SHROOM4: variants seen among roughly 807,000 people sequenced by gnomAD.
The protein encoded by SHROOM4 is protein Shroom4.
A neutral mutation model predicts 80.3 loss-of-function variants in SHROOM4; 17 were observed. The observed-to-expected ratio is 0.21, with a 90% CI of 0.14 to 0.32. SHROOM4 has a LOEUF of 0.32. SHROOM4 is among the 10% of genes least tolerant of loss of function. SHROOM4 has a pLI of 1.00. For missense variants in SHROOM4, 993 were observed against 1,140.3 expected (o/e 0.87, Z 1.86); for synonymous variants, 400 against 437.5 (o/e 0.91, Z 1.07).
chrX:50,601,124 T>G (rs1409807581), intron 7 of SHROOM4, among the ~76,000 whole-genome samples: 1 of 112,267 alleles, frequency 8.9e-6, no homozygotes, highest in Non-Finnish European at 1.9e-5. Flanking sequence ...CAGCCAGAGC[T>G]GAGTTGCTTT....
chrX:50,634,518 C>T lies in SHROOM4; in HGVS notation c.1555G>A (p.Ala519Thr). The change falls in exon 4 of 9, where the codon GCC (alanine) becomes ACC (threonine). Residue 519 changes from alanine (A) to threonine (T), a missense_variant. Physicochemically the swap from Ala to Thr is moderately conservative, Grantham distance 58. Coordinates refer to ENST00000376020, the MANE Select transcript of SHROOM4 (RefSeq NM_020717.5). The stretch of plus-strand genomic sequence containing the variant: ...GGTTGCTGGTTGGCCAATTCACTGG[C>T]TGCTCTGCTTGTTCTGTTTGGGTCC... Reference protein sequence around the residue: ...FLDPNRTSRAASELANQQPSA... With the variant: ...FLDPNRTSRATSELANQQPSA... 1 of 1,211,807 alleles carries T rather than the reference C, an allele frequency of 8.3e-7. No individual in the cohort carries two copies. Among genetic ancestry groups the T allele is most frequent in the Non-Finnish European group, 1.1e-6 (1 of 895,571 alleles).
intron 1 of SHROOM4, among the ~76,000 whole-genome samples, chrX:50,715,617 A>T (rs1933929930): frequency 9.0e-6 from 1 of 111,571 alleles, no homozygotes; most frequent in Non-Finnish European, 1.9e-5. Context: ...CATCAGGGAA[A>T]TACAAATCAA....
chrX:50,695,434 A>G (rs1028903725), intron 2 of SHROOM4, among the ~76,000 whole-genome samples: 3 of 111,866 alleles, frequency 2.7e-5, no homozygotes, highest in Non-Finnish European at 5.6e-5. Flanking sequence ...GTCTCCATTG[A>G]TATGTGGTTC....
rs1930365981 is a variant in SHROOM4 at position 50,618,307 on chromosome X, CCTTCCT to C, written c.2957+9301_2957+9306del. ...TCCTTCCTTCCTTCCTTCCTTCCTT[CCTTCCT>C]TCCTTCCTTCCTTCCTTCCTTCCTT... On this transcript the variant is annotated intron_variant, in intron 5 of 8. Coordinates refer to ENST00000376020, the MANE Select transcript of SHROOM4 (RefSeq NM_020717.5). 5.6e-3 allele frequency among the ~76,000 whole-genome samples: 2 copies of C among 358 alleles called. 1 individual carries two copies. The highest frequency in any genetic ancestry group is 0.023 in the African/African-American group (2 of 87). 0.3% of individuals were successfully genotyped at this position (358 alleles called of 115,157 possible). A position where few individuals can be genotyped will look rare whatever the true frequency, so the allele number is the denominator to read the frequency against.
chrX:50,655,798 G>C (rs1333045692), intron 2 of SHROOM4, among the ~76,000 whole-genome samples: 2 of 109,748 alleles, frequency 1.8e-5, no homozygotes, highest in East Asian at 5.7e-4. Flanking sequence ...AGGACTGCTG[G>C]CTTATATTAT....
chrX:50,607,247 C>T, intron 6 of SHROOM4, 134 bp downstream of exon 6: 1 of 590,312 alleles, frequency 1.7e-6, no homozygotes, highest in Non-Finnish European at 2.8e-6. Flanking sequence ...ACCCATTTTC[C>T]AGGTAAGAAA....
At chrX:50,621,844 C>T (rs1191319589) in intron 5 of SHROOM4, among the ~76,000 whole-genome samples, 3 of 111,059 alleles carry the variant, frequency 2.7e-5, no homozygotes, top group African/African-American at 9.8e-5. Flanking sequence ...AACTCTGTAC[C>T]GGGTATTTCA....
At chrX:50,602,930 A>G (rs1295204222) in intron 6 of SHROOM4, 117 bp from the exon 7 acceptor site, 3 of 699,315 alleles carry the variant, frequency 4.3e-6, no homozygotes, top group Non-Finnish European at 6.6e-6. Flanking sequence ...GTTGAAAAAA[A>G]TGGAGAAGGC....
intron 5 of SHROOM4, among the ~76,000 whole-genome samples, chrX:50,611,210 G>A (rs782596229): frequency 1.0e-5 from 1 of 95,610 alleles, no homozygotes; most frequent in African/African-American, 4.1e-5. Context: ...CTGCAGTGGC[G>A]CTTTCTTAGC....
At position 50,611,212 on chromosome X, in the gene SHROOM4, T is replaced by G. The variant is rs1284065312; in HGVS notation, c.2958-3028A>C. On this transcript the variant is annotated intron_variant, in intron 5 of 8. Transcript: ENST00000376020. Reference sequence around the variant, plus strand: ...CGCCCAGGCCGGACTGCAGTGGCGCTTTCTTAGCTCACTGCAAGCTCCGCC... The same window carrying G: ...CGCCCAGGCCGGACTGCAGTGGCGCGTTCTTAGCTCACTGCAAGCTCCGCC... Among the ~76,000 whole-genome samples, 4 of 97,522 alleles carry G rather than the reference T, an allele frequency of 4.1e-5. No individual in the cohort carries two copies. In the East Asian group the frequency reaches 1.3e-3, roughly 33 times the overall value. The allele number at this position is 97,522 out of a possible 115,157, so 84.7% of individuals were successfully genotyped here. A position where few individuals can be genotyped will look rare whatever the true frequency, so the allele number is the denominator to read the frequency against.
chrX:50,708,913 A>T (rs782044325), intron 1 of SHROOM4, among the ~76,000 whole-genome samples: 1 of 112,001 alleles, frequency 8.9e-6, no homozygotes, highest in African/African-American at 3.2e-5. Flanking sequence ...AGAAGGACTG[A>T]TATAAGCAAG....
chrX:50,774,170 C>A (rs1353639289), intron 1 of SHROOM4, among the ~76,000 whole-genome samples: 1 of 111,232 alleles, frequency 9.0e-6, no homozygotes, highest in Non-Finnish European at 1.9e-5. Flanking sequence ...GACTTTAGGG[C>A]TACATTTTTG....
chrX:50,622,156 A>C (rs782325211), intron 5 of SHROOM4, among the ~76,000 whole-genome samples: 9 of 112,239 alleles, frequency 8.0e-5, no homozygotes, highest in Admixed American at 3.8e-4. Flanking sequence ...ACACTCAATA[A>C]ATGTTAGCTA....
chrX:50,713,820 C>T (rs28579006), intron 1 of SHROOM4, among the ~76,000 whole-genome samples: 6,333 of 111,276 alleles, frequency 0.057, 450 homozygotes, highest in African/African-American at 0.2. Flanking sequence ...TTAAATTTAG[C>T]ATGGTCCCAT....
chrX:50,705,639 C>T (rs141895066), intron 1 of SHROOM4, among the ~76,000 whole-genome samples: 6,408 of 110,184 alleles, frequency 0.058, 465 homozygotes, highest in African/African-American at 0.2. Flanking sequence ...TCCTCACAGC[C>T]GAGGTCACTC....
At position 50,813,920 on chromosome X, in the gene SHROOM4, C is replaced by T. The variant is rs1345050989; in HGVS notation, c.99G>A (p.Glu33=). Residue 33 remains glutamate, a synonymous_variant, in exon 1 of 9, where the codon GAG becomes GAA. Transcript: ENST00000376020. The stretch of plus-strand genomic sequence containing the variant: ...TTCTTACCTTAGACACTGTGAGCGG[C>T]TCACAGTGTTCCAGACCCCCCTTAA... ...FTLKGGLEHC[E]PLTVSKIEDG... is the part of the protein sequence containing the mutation. 5.8e-6 allele frequency: 7 copies of T among 1,198,556 alleles called. No homozygotes were observed. The highest frequency in any genetic ancestry group is 7.9e-6 in the Non-Finnish European group (7 of 886,215).
rs1222053528 is a variant in SHROOM4 at position 50,587,673 on chromosome X, C to T, written c.*9022G>A. ...CTCTTTCATTAGGATAAAAGCCCCACGAGAGTGGGGACTTTGTCTATCTTG... is the reference window on the plus strand; with the variant it reads ...CTCTTTCATTAGGATAAAAGCCCCATGAGAGTGGGGACTTTGTCTATCTTG... On this transcript the variant is annotated 3_prime_UTR_variant, in exon 9 of 9. Transcript: ENST00000376020. 2.0e-4 allele frequency among the ~76,000 whole-genome samples: 22 copies of T among 111,983 alleles called. No homozygotes were observed. The highest frequency in any genetic ancestry group is 7.5e-4 in the South Asian group (2 of 2,677).
chrX:50,733,571 T>G (rs1427618550), intron 1 of SHROOM4, among the ~76,000 whole-genome samples: 1 of 111,997 alleles, frequency 8.9e-6, no homozygotes, highest in Non-Finnish European at 1.9e-5. Context: ...AATCTTGAAC[T>G]TCCCAGCCTC....
intron 1 of SHROOM4, among the ~76,000 whole-genome samples, chrX:50,804,085 G>T (rs1429444197): frequency 8.9e-6 from 1 of 111,963 alleles, no homozygotes; most frequent in East Asian, 2.8e-4. Flanking sequence ...TTTCTTAAGA[G>T]AATTCCTGTT....
Sources: allele counts gnomAD v4.1 joint callset (sites outside exome capture counted in the v4.1 genomes callset), GRCh38; gene constraint gnomAD v4.1.1; transcripts MANE v1.5; gene names NCBI Gene and HGNC (gene_info 2026-07-23, HGNC 2026-07-21).